SMYD3: variants seen among roughly 807,000 people sequenced by gnomAD.
SMYD3 encodes SET and MYND domain containing 3.
A neutral mutation model predicts 57.7 loss-of-function variants in SMYD3; 36 were observed. The observed-to-expected ratio is 0.62, with a 90% CI of 0.48 to 0.82. SMYD3 has a LOEUF of 0.82. Among genes scored for constraint, SMYD3 ranks in the 40% least tolerant of loss-of-function variants. SMYD3 has a pLI of 0.00. For synonymous variants in SMYD3, 211 were observed against 195.0 expected, an observed-to-expected ratio of 1.08 and a Z score of -0.68; for missense variants, 515 against 538.8, an observed-to-expected ratio of 0.96 and a Z score of 0.44.
At position 246,105,874 on chromosome 1, in the gene SMYD3, C is replaced by G. The variant is rs531590730; in HGVS notation, c.532-175937G>C. Among the ~76,000 whole-genome samples, 5 of 152,328 alleles carry G rather than the reference C, an allele frequency of 3.3e-5. No homozygotes were observed. In the East Asian group the frequency reaches 9.7e-4, roughly 29 times the overall value. On this transcript the variant is annotated intron_variant, in intron 5 of 11. Transcript: ENST00000490107. ...CATGGCTGCCAACTCATTTCCAAAA[C>G]ATCCACTGCTAATCAAACTTGTTTG...
At chr1:246,185,409 G>T (rs901894651) in intron 5 of SMYD3, among the ~76,000 whole-genome samples, 1 of 110,244 alleles carries the variant, frequency 9.1e-6, no homozygotes, top group African/African-American at 3.5e-5. Flanking sequence ...GCTAATTTTT[G>T]TACTTTTAGT....
rs770308655 is a variant in SMYD3, at chr1:246,180,970, C to G, written c.531+146231G>C. ...ACAAAATATCAGGGAGGAACATACTCTACTCTAATATGTCCATCATAGGGG... is the reference window on the plus strand; with the variant it reads ...ACAAAATATCAGGGAGGAACATACTGTACTCTAATATGTCCATCATAGGGG... On this transcript the variant is annotated intron_variant, in intron 5 of 11. Coordinates refer to ENST00000490107, the MANE Select transcript of SMYD3 (RefSeq NM_001167740.2). 4.1e-4 allele frequency among the ~76,000 whole-genome samples: 63 copies of G among 151,932 alleles called. 2 individuals carry two copies. Among genetic ancestry groups the G allele is most frequent in the Admixed American group, 7.9e-4 (12 of 15,230 alleles).
intron 1 of SMYD3, among the ~76,000 whole-genome samples, chr1:246,357,330 C>T (rs1318277468): frequency 6.6e-6 from 1 of 152,172 alleles, no homozygotes; most frequent in African/African-American, 2.4e-5. Context: ...CCAGAGGTCA[C>T]TGGTGGTCCT....
chr1:246,438,654 C>T (rs1242043532), intron 1 of SMYD3, among the ~76,000 whole-genome samples: 1 of 152,090 alleles, frequency 6.6e-6, no homozygotes, highest in Non-Finnish European at 1.5e-5. Context: ...CCCTAGAATA[C>T]GTATAACAGT....
intron 10 of SMYD3, among the ~76,000 whole-genome samples, chr1:245,853,432 G>A (rs1176257405): frequency 2.0e-5 from 3 of 152,192 alleles, no homozygotes; most frequent in African/African-American, 7.2e-5. Context: ...GGCATCGAAC[G>A]CGCGCTCAGG....
chr1:246,211,303 T>C (rs1240255476), intron 5 of SMYD3, among the ~76,000 whole-genome samples: 1 of 152,164 alleles, frequency 6.6e-6, no homozygotes, highest in Admixed American at 6.5e-5. Context: ...TCATGGGATA[T>C]GAAAGTCGTT....
rs550200492 is a variant in SMYD3 at position 245,980,049 on chromosome 1, C to T, written c.532-50112G>A. ...TTTGGGAGCTCTGTGCCTCAGTCTC[C>T]TCCACCTATAAGTGGGAATGATAGT... On this transcript the variant is annotated intron_variant, in intron 5 of 11. Coordinates refer to ENST00000490107, the MANE Select transcript of SMYD3 (RefSeq NM_001167740.2). Among the ~76,000 whole-genome samples, 13 of 152,340 alleles carry T rather than the reference C, an allele frequency of 8.5e-5. 1 individual carries two copies. In the South Asian group the frequency reaches 2.1e-3, roughly 24 times the overall value.
chr1:246,082,765 G>A (rs941222812), intron 5 of SMYD3, among the ~76,000 whole-genome samples: 14 of 152,136 alleles, frequency 9.2e-5, no homozygotes, highest in Non-Finnish European at 1.5e-5. Flanking sequence ...ATTTTGTTCT[G>A]TACTAAGAAA....
At chr1:246,130,716 A>C (rs1395209822) in intron 5 of SMYD3, among the ~76,000 whole-genome samples, 1 of 152,168 alleles carries the variant, frequency 6.6e-6, no homozygotes. Flanking sequence ...TTTGTAAGAG[A>C]CCAATTTTGT....
intron 8 of SMYD3, among the ~76,000 whole-genome samples, chr1:245,880,897 A>G (rs1172021423): frequency 6.6e-6 from 1 of 152,238 alleles, no homozygotes; most frequent in Non-Finnish European, 1.5e-5. Flanking sequence ...GTTGCCCAAG[A>G]GTGGAACATT....
intron 5 of SMYD3, among the ~76,000 whole-genome samples, chr1:246,268,420 C>T (rs976306875): frequency 5.9e-5 from 9 of 152,138 alleles, no homozygotes; most frequent in African/African-American, 1.9e-4. Context: ...AAATAACCGG[C>T]CAGGCGCAGT....
intron 7 of SMYD3, among the ~76,000 whole-genome samples, chr1:245,919,396 C>A (rs935959837): frequency 6.6e-6 from 1 of 152,180 alleles, no homozygotes; most frequent in African/African-American, 2.4e-5. Context: ...CTGGGCATCA[C>A]TGGCTAAGCG....
intron 5 of SMYD3, among the ~76,000 whole-genome samples, chr1:246,196,517 A>C (rs2062832278): frequency 2.0e-5 from 3 of 152,230 alleles, no homozygotes; most frequent in African/African-American, 7.2e-5. Flanking sequence ...CTTGAAAAAT[A>C]ATAAAAGCAA....
At chr1:245,809,204 A>G (rs2048331932) in intron 10 of SMYD3, among the ~76,000 whole-genome samples, 1 of 152,222 alleles carries the variant, frequency 6.6e-6, no homozygotes, top group Non-Finnish European at 1.5e-5. Flanking sequence ...ATCATTTGGT[A>G]AATCAATTAC....
chr1:245,821,277 A>AG (rs1476530409), intron 10 of SMYD3, among the ~76,000 whole-genome samples: 14 of 5,142 alleles, frequency 2.7e-3, no homozygotes, highest in Non-Finnish European at 5.5e-3. Flanking sequence ...GACAAACCTG[A>AG]CAAAAGAAGC....
intron 2 of SMYD3, among the ~76,000 whole-genome samples, chr1:246,341,553 T>C (rs2065633636): frequency 6.6e-6 from 1 of 152,160 alleles, no homozygotes; most frequent in African/African-American, 2.4e-5. Flanking sequence ...ATATTATCAT[T>C]ATTTGAAATT....
intron 5 of SMYD3, among the ~76,000 whole-genome samples, chr1:246,292,550 C>T (rs1360304049): frequency 6.6e-6 from 1 of 152,212 alleles, no homozygotes; most frequent in African/African-American, 2.4e-5. Flanking sequence ...AGTATTAAAG[C>T]AGATATGATC....
intron 5 of SMYD3, among the ~76,000 whole-genome samples, chr1:246,029,840 A>T (rs933022083): frequency 6.6e-6 from 1 of 152,054 alleles, no homozygotes; most frequent in African/African-American, 2.4e-5. Context: ...AAAAGAAAAG[A>T]TAACATGCTG....
chr1:246,132,905 G>T (rs772067253), intron 5 of SMYD3, among the ~76,000 whole-genome samples: 1 of 151,980 alleles, frequency 6.6e-6, no homozygotes, highest in Admixed American at 6.6e-5. Flanking sequence ...TAGTCATTAG[G>T]GAAATGCATA....
Sources: gnomAD v4.1 joint callset for allele counts (sites outside exome capture counted in the v4.1 genomes callset) on GRCh38, gnomAD v4.1.1 for gene constraint, MANE v1.5 for transcripts, NCBI Gene and HGNC (gene_info 2026-07-23, HGNC 2026-07-21) for gene names.